The following EXOC6 variants were observed in gnomAD, a reference collection of about 807,000 sequenced individuals.
The protein encoded by EXOC6 is exocyst complex component 6.
Under a neutral mutation model 112.5 loss-of-function variants are expected in EXOC6, and 60 were observed. The ratio of observed to expected loss-of-function variants is 0.53; its 90% CI spans 0.43 to 0.66. EXOC6 has a LOEUF of 0.66. EXOC6 is among the 30% of genes least tolerant of loss of function. The probability of loss-of-function intolerance (pLI) is 0.00; values close to 1 mark genes in which losing one functional copy is unlikely to be tolerated. For synonymous variants in EXOC6, 295 were observed against 308.0 expected (o/e 0.96, Z 0.44); for missense variants, 855 against 957.1 (o/e 0.89, Z 1.41).
At chr10:92,999,203 CTTTTTTTTTTTTTTTACAAGTTTTT>C (rs1437314109) in intron 19 of EXOC6, 1 of 303,844 alleles carries the variant, frequency 3.3e-6, no homozygotes, top group African/African-American at 2.6e-5. Context: ...CTAAGAAACA[CTTTTTTTTTTTTTTTACAAGTTTTT>C]TTTTTTTTTT....
chr10:92,877,398 C>T (rs889955363), intron 1 of EXOC6, among the ~76,000 whole-genome samples: 1 of 151,962 alleles, frequency 6.6e-6, no homozygotes, highest in Admixed American at 6.6e-5. Flanking sequence ...GAATAAATCC[C>T]TTAACTTCTT....
chr10:92,859,011 T>C (rs1232335610), intron 1 of EXOC6, among the ~76,000 whole-genome samples: 1 of 152,226 alleles, frequency 6.6e-6, no homozygotes, highest in Non-Finnish European at 1.5e-5. Context: ...GTGATCCACC[T>C]GCATCGGCCT....
chr10:93,006,903 T>C (rs1374471005), intron 19 of EXOC6, among the ~76,000 whole-genome samples: 1 of 152,194 alleles, frequency 6.6e-6, no homozygotes, highest in African/African-American at 2.4e-5. Flanking sequence ...CTTAAAACTT[T>C]AGCTTAGCCT....
At chr10:92,885,421 C>G (rs1348645028) in intron 1 of EXOC6, among the ~76,000 whole-genome samples, 1 of 151,544 alleles carries the variant, frequency 6.6e-6, no homozygotes, top group African/African-American at 2.4e-5. Context: ...TCCCTGTTGC[C>G]CAGGCTGGAG....
At chr10:92,963,334 A>G (rs1316139720) in intron 17 of EXOC6, among the ~76,000 whole-genome samples, 2 of 152,142 alleles carry the variant, frequency 1.3e-5, no homozygotes, top group East Asian at 1.9e-4. Flanking sequence ...TTCACCTTGC[A>G]TTATCTAACT....
chr10:92,959,974 A>G (rs565442144), intron 17 of EXOC6, among the ~76,000 whole-genome samples: 1 of 152,340 alleles, frequency 6.6e-6, no homozygotes, highest in South Asian at 2.1e-4. Flanking sequence ...AGTGAAACGC[A>G]GTCTTACCAT....
At chr10:92,828,818 G>T (rs1241474600) in intron 1 of EXOC6, among the ~76,000 whole-genome samples, 2 of 151,368 alleles carry the variant, frequency 1.3e-5, no homozygotes, top group African/African-American at 4.9e-5. Flanking sequence ...CCAAGACTGA[G>T]CAGGATTAAA....
chr10:92,914,496 C>A (rs1850974461), intron 6 of EXOC6, among the ~76,000 whole-genome samples: 1 of 152,078 alleles, frequency 6.6e-6, no homozygotes. Context: ...TCTGTTTTTA[C>A]TGTGTGAATT....
At chr10:93,006,507 T>C (rs888344150) in intron 19 of EXOC6, among the ~76,000 whole-genome samples, 5 of 152,138 alleles carry the variant, frequency 3.3e-5, no homozygotes, top group Admixed American at 1.3e-4. Context: ...GTGATGAAGG[T>C]AGAGTAACAG....
intron 8 of EXOC6, among the ~76,000 whole-genome samples, chr10:92,923,882 C>T (rs1164241522): frequency 6.6e-6 from 1 of 152,080 alleles, no homozygotes; most frequent in Non-Finnish European, 1.5e-5. Context: ...CTCAGTACTA[C>T]CATGGTGCAT....
chr10:92,949,799 T>A (rs999571392), intron 14 of EXOC6, among the ~76,000 whole-genome samples: 2 of 152,194 alleles, frequency 1.3e-5, no homozygotes, highest in Non-Finnish European at 2.9e-5. Context: ...TTTCACCGTG[T>A]AGGTCAGGCT....
intron 1 of EXOC6, among the ~76,000 whole-genome samples, chr10:92,852,367 T>G (rs1232476239): frequency 2.0e-5 from 3 of 152,208 alleles, no homozygotes; most frequent in African/African-American, 4.8e-5. Flanking sequence ...CCAGCTCATT[T>G]TGAGGTCAAC....
chr10:93,005,079 G>A (rs1590021413), intron 19 of EXOC6, among the ~76,000 whole-genome samples: 1 of 152,090 alleles, frequency 6.6e-6, no homozygotes, highest in Non-Finnish European at 1.5e-5. Context: ...TTACCCTCTT[G>A]GAGTTTAAGT....
intron 1 of EXOC6, among the ~76,000 whole-genome samples, chr10:92,860,503 C>T (rs1315438918): frequency 6.6e-6 from 1 of 152,056 alleles, no homozygotes; most frequent in African/African-American, 2.4e-5. Flanking sequence ...CCTCGTGATC[C>T]ACCCGCCTCG....
intron 20 of EXOC6, among the ~76,000 whole-genome samples, chr10:93,044,081 T>C (rs1845902112): frequency 6.6e-6 from 1 of 152,258 alleles, no homozygotes; most frequent in East Asian, 1.9e-4. Context: ...TGTGAACTTC[T>C]GCCTTAGTGA....
chr10:92,845,488 G>A (rs886759334), upstream of EXOC6, among the ~76,000 whole-genome samples: 1 of 150,854 alleles, frequency 6.6e-6, no homozygotes, highest in African/African-American at 2.4e-5. Context: ...GGGAGGCAGA[G>A]GTTGCAGTGA....
intron 18 of EXOC6, among the ~76,000 whole-genome samples, chr10:92,990,603 T>C (rs1387569256): frequency 1.3e-5 from 2 of 152,312 alleles, no homozygotes; most frequent in African/African-American, 4.8e-5. Flanking sequence ...TTAGGAAGGT[T>C]GAGACTGTTT....
intron 4 of EXOC6, among the ~76,000 whole-genome samples, chr10:92,897,512 T>A (rs1232763667): frequency 6.6e-6 from 1 of 152,182 alleles, no homozygotes; most frequent in Non-Finnish European, 1.5e-5. Context: ...GGGAACTGTG[T>A]CAGGCAAACC....
chr10:93,015,701 C>T (rs1378347849), intron 20 of EXOC6, among the ~76,000 whole-genome samples: 1 of 151,844 alleles, frequency 6.6e-6, no homozygotes, highest in Non-Finnish European at 1.5e-5. Flanking sequence ...CCATTGCACT[C>T]CAGCCTGGGC....
Sources: allele counts gnomAD v4.1 joint callset (sites outside exome capture counted in the v4.1 genomes callset), GRCh38; gene constraint gnomAD v4.1.1; transcripts MANE v1.5; gene names NCBI Gene and HGNC (gene_info 2026-07-23, HGNC 2026-07-21).